Variants in PLOD2 observed in about 807,000 individuals in gnomAD.
PLOD2 encodes the protein procollagen-lysine,2-oxoglutarate 5-dioxygenase 2, also known as lysine hydroxylase 2.
PLOD2 carries 65 observed loss-of-function variants against 101.0 expected under a neutral mutation model. The observed-to-expected ratio is 0.64, with a 90% CI of 0.53 to 0.79. PLOD2 has a LOEUF of 0.79. Ranked by LOEUF, PLOD2 falls within the 30% of genes least tolerant of loss-of-function variation. PLOD2 has a pLI of 0.00. For synonymous variants in PLOD2, 314 were observed against 302.9 expected (o/e 1.04, Z -0.38); for missense variants, 909 against 914.6 (o/e 0.99, Z 0.08).
chr3:146,119,877 A>G (rs907344050), intron 3 of PLOD2, among the ~76,000 whole-genome samples: 3 of 152,160 alleles, frequency 2.0e-5, no homozygotes, highest in African/African-American at 4.8e-5. Flanking sequence ...AGTCTTTGCT[A>G]TCGTGAATAG....
chr3:146,079,000 T>C, intron 13 of PLOD2, 116 bp downstream of exon 13: 8 of 968,234 alleles, frequency 8.3e-6, no homozygotes, highest in South Asian at 5.5e-5. Context: ...ACCAAAAAAA[T>C]TGGCTAGTAC....
chr3:146,086,808 G>C lies in PLOD2; in HGVS notation c.1106C>G (p.Ala369Gly), dbSNP rs750378443. ...ATACATTCCCATGTTTCTGGCTTCC[G>C]CTTGACTTAGATTTTCTTCTGGTCC... Reference protein sequence around the residue: ...IVGPEENLSQAEARNMGMDFC... With the variant: ...IVGPEENLSQGEARNMGMDFC... Residue 369 changes from alanine to glycine, a missense_variant, in exon 10 of 20, where the codon GCG becomes GGG. By Grantham distance (60) the Ala-to-Gly change is moderately conservative (BLOSUM62 0). Transcript: ENST00000282903. The C allele has an allele frequency of 6.7e-7, 1 of 1,488,790 alleles. No individual in the cohort carries two copies. Among genetic ancestry groups the C allele is most frequent in the East Asian group, 2.4e-5 (1 of 41,424 alleles). 92.2% of individuals were successfully genotyped at this position (1,488,790 alleles called of 1,614,324 possible).
At chr3:146,105,223 G>A (rs1170592824) in intron 5 of PLOD2, 5 of 152,174 alleles carry the variant, frequency 3.3e-5, no homozygotes. Context: ...ATTTTGAGTT[G>A]CTTTATTTAT....
At chr3:146,117,988 C>T (rs1937991694) in intron 3 of PLOD2, among the ~76,000 whole-genome samples, 1 of 151,964 alleles carries the variant, frequency 6.6e-6, no homozygotes, top group African/African-American at 2.4e-5. Context: ...AAAGTTCTTC[C>T]TAAAACCCAA....
chr3:146,090,665 A>T (rs967186098), intron 8 of PLOD2, among the ~76,000 whole-genome samples: 4 of 151,782 alleles, frequency 2.6e-5, no homozygotes, highest in Non-Finnish European at 4.4e-5. Context: ...CTTTCAAGTA[A>T]AATAGGGCTC....
At chr3:146,130,990 C>G (rs191252362) in intron 1 of PLOD2, among the ~76,000 whole-genome samples, 1 of 152,286 alleles carries the variant, frequency 6.6e-6, no homozygotes, top group East Asian at 1.9e-4. Flanking sequence ...CTAAATTATA[C>G]AAACAATGCG....
chr3:146,100,803 A>T (rs1195333958), intron 7 of PLOD2, among the ~76,000 whole-genome samples: 2 of 152,178 alleles, frequency 1.3e-5, no homozygotes, highest in Non-Finnish European at 2.9e-5. Flanking sequence ...GCCTTGTATG[A>T]CAAGTTGAGG....
intron 4 of PLOD2, among the ~76,000 whole-genome samples, chr3:146,107,123 G>C (rs955316783): frequency 6.6e-6 from 1 of 152,142 alleles, no homozygotes; most frequent in Non-Finnish European, 1.5e-5. Context: ...AACGAATGCT[G>C]GATTTGTCAC....
At chr3:146,127,260 TA>T (rs1321359816) in intron 1 of PLOD2, among the ~76,000 whole-genome samples, 1 of 152,152 alleles carries the variant, frequency 6.6e-6, no homozygotes, top group Non-Finnish European at 1.5e-5. Context: ...TGGCTTCTAG[TA>T]TATCCATTAC....
At chr3:146,082,993 G>GTT (rs1470330845) in intron 11 of PLOD2, among the ~76,000 whole-genome samples, 1 of 152,052 alleles carries the variant, frequency 6.6e-6, no homozygotes, top group Non-Finnish European at 1.5e-5. Flanking sequence ...AGAAACACAT[G>GTT]TTTTGTTTTG....
intron 15 of PLOD2, chr3:146,075,985 T>C (rs914782097): frequency 1.2e-4 from 18 of 151,692 alleles, no homozygotes; most frequent in African/African-American, 4.3e-4. Flanking sequence ...ATGTGCAGGT[T>C]TGTTACAAGT....
At position 146,160,827 on chromosome 3, in the gene PLOD2, TG is replaced by T. The variant is rs969749888; in HGVS notation, c.109+53del. ...CGGAAGGGCTGGTGGATGAATGAAC[TG>T]CCCCCCCGCCGGCCGAGCCTCGCGG... On this transcript the variant is annotated intron_variant, in intron 1 of 19. Transcript: ENST00000282903. The T allele has an allele frequency of 4.4e-6, 5 of 1,128,714 alleles. 1 individual carries two copies. The African/African-American group carries it at 7.7e-5, about 17-fold the overall frequency. 69.9% of individuals were successfully genotyped at this position (1,128,714 alleles called of 1,614,324 possible).
At position 146,086,773 on chromosome 3, in the gene PLOD2, T is replaced by G; in HGVS notation, c.1127+14A>C. ...TAAAATAATTTAATTTAATTTTAAT[T>G]TATTAAAACATACATTCCCATGTTT... On this transcript the variant is annotated intron_variant, in intron 10 of 19. Transcript: ENST00000282903. 3 of 1,398,230 alleles carry G rather than the reference T, an allele frequency of 2.1e-6. No individual in the cohort carries two copies. The highest frequency in any genetic ancestry group is 2.9e-6 in the Non-Finnish European group (3 of 1,037,026). The allele number at this position is 1,398,230 out of a possible 1,614,324, so 86.6% of individuals were successfully genotyped here.
At chr3:146,087,195 T>A (rs1936808633) in intron 9 of PLOD2, among the ~76,000 whole-genome samples, 1 of 151,938 alleles carries the variant, frequency 6.6e-6, no homozygotes, top group Non-Finnish European at 1.5e-5. Context: ...AAATCTTTAA[T>A]AGGTGTTTGC....
At chr3:146,091,959 A>G in intron 7 of PLOD2, 58 bp from the exon 8 acceptor site, 2 of 897,174 alleles carry the variant, frequency 2.2e-6, no homozygotes, top group South Asian at 2.7e-5. Flanking sequence ...GTGTGGTTTC[A>G]TTCTATAATC....
chr3:146,084,655 A>G (rs368784776), intron 11 of PLOD2, among the ~76,000 whole-genome samples: 324 of 152,246 alleles, frequency 2.1e-3, no homozygotes, highest in Middle Eastern at 6.8e-3. Context: ...GCTGATATAC[A>G]TGGTGTCTTT....
chr3:146,071,221 G>C, intron 18 of PLOD2, 54 bp from the exon 19 acceptor site: 1 of 1,610,652 alleles, frequency 6.2e-7, no homozygotes, highest in South Asian at 1.1e-5. Flanking sequence ...ACATTAAAAA[G>C]AACACCTGTG....
chr3:146,143,428 A>T (rs377061656), intron 1 of PLOD2, among the ~76,000 whole-genome samples: 63 of 152,090 alleles, frequency 4.1e-4, no homozygotes, highest in African/African-American at 1.5e-3. Context: ...TTTCTCTCAC[A>T]TTCCCCATCT....
At chr3:146,086,453 C>T (rs1441180718) in intron 10 of PLOD2, 2 of 167,796 alleles carry the variant, frequency 1.2e-5, no homozygotes, top group Non-Finnish European at 2.5e-5. Context: ...TTACCACACA[C>T]AACCTTCAGA....
Sources: allele counts gnomAD v4.1 joint callset (sites outside exome capture counted in the v4.1 genomes callset), GRCh38; gene constraint gnomAD v4.1.1; transcripts MANE v1.5; gene names NCBI Gene and HGNC (gene_info 2026-07-23, HGNC 2026-07-21).